PDE4D: variants seen among roughly 807,000 people sequenced by gnomAD.
PDE4D encodes phosphodiesterase 4D.
Under a neutral mutation model 87.4 loss-of-function variants are expected in PDE4D, and 24 were observed. The observed-to-expected ratio is 0.27, with a 90% confidence interval of 0.20 to 0.39. The LOEUF (loss-of-function observed/expected upper bound fraction) is 0.39, where lower values mean the gene tolerates loss of function less well. Among genes scored for constraint, PDE4D ranks in the 10% least tolerant of loss-of-function variants. The pLI, the probability that PDE4D is intolerant of heterozygous loss-of-function variation, is 1.00. For missense variants in PDE4D, 714 were observed against 1,041.0 expected, an observed-to-expected ratio of 0.69 and a Z score of 4.32; for synonymous variants, 384 against 383.2, an observed-to-expected ratio of 1.00 and a Z score of -0.02.
At chr5:59,345,720 T>C (rs1197737608) in intron 1 of PDE4D, among the ~76,000 whole-genome samples, 1 of 152,178 alleles carries the variant, frequency 6.6e-6, no homozygotes, top group Non-Finnish European at 1.5e-5. Flanking sequence ...TATACTTTGG[T>C]AAGAATGCAG....
chr5:60,031,600 A>C (rs1025351382), intron 2 of PDE4D, among the ~76,000 whole-genome samples: 1 of 152,228 alleles, frequency 6.6e-6, no homozygotes, highest in Non-Finnish European at 1.5e-5. Flanking sequence ...TGCCTGATGA[A>C]GAATAATATG....
At chr5:59,487,936 T>C (rs1330428223) in intron 1 of PDE4D, among the ~76,000 whole-genome samples, 1 of 152,188 alleles carries the variant, frequency 6.6e-6, no homozygotes, top group Non-Finnish European at 1.5e-5. Context: ...CACAAGTGAC[T>C]GTCTGCCATA....
intron 1 of PDE4D, among the ~76,000 whole-genome samples, chr5:59,841,046 T>C (rs1356480384): frequency 6.6e-6 from 1 of 152,100 alleles, no homozygotes; most frequent in Non-Finnish European, 1.5e-5. Context: ...TATTGTCTCT[T>C]ACTCATTTTC....
intron 1 of PDE4D, among the ~76,000 whole-genome samples, chr5:59,486,728 G>A (rs16889901): frequency 0.31 from 47,118 of 151,916 alleles, 8,005 homozygotes; most frequent in African/African-American, 0.43. Context: ...AACCACCAGT[G>A]TACATTACTT....
intron 1 of PDE4D, among the ~76,000 whole-genome samples, chr5:59,764,396 G>A (rs752803273): frequency 6.6e-5 from 10 of 152,042 alleles, no homozygotes; most frequent in African/African-American, 1.5e-4. Flanking sequence ...ACTGACTAAC[G>A]GGGAAACTGA....
At chr5:60,089,587 A>G (rs1774890265) in intron 2 of PDE4D, among the ~76,000 whole-genome samples, 1 of 152,026 alleles carries the variant, frequency 6.6e-6, no homozygotes, top group Non-Finnish European at 1.5e-5. Flanking sequence ...CTACATCAAA[A>G]AGTAGAAAGA....
chr5:59,635,641 C>A (rs576379501), intron 1 of PDE4D, among the ~76,000 whole-genome samples: 2 of 152,318 alleles, frequency 1.3e-5, no homozygotes, highest in Admixed American at 1.3e-4. Flanking sequence ...ACAAAAACCA[C>A]ATGATCAACT....
chr5:60,328,823 C>T (rs767446406), intron 1 of PDE4D, among the ~76,000 whole-genome samples: 1 of 151,870 alleles, frequency 6.6e-6, no homozygotes, highest in African/African-American at 2.4e-5. Flanking sequence ...ATGCAAAAAG[C>T]GCACCCTAAT....
intron 1 of PDE4D, among the ~76,000 whole-genome samples, chr5:60,232,735 A>G (rs1745961907): frequency 6.6e-6 from 1 of 151,888 alleles, no homozygotes; most frequent in African/African-American, 2.4e-5. Flanking sequence ...GAAGCCTTAC[A>G]TCCAGGCTAT....
intron 1 of PDE4D, among the ~76,000 whole-genome samples, chr5:59,876,519 A>G (rs1228441101): frequency 6.6e-6 from 1 of 152,116 alleles, no homozygotes; most frequent in East Asian, 1.9e-4. Flanking sequence ...GGACAAACCT[A>G]GCCTAATAAT....
chr5:60,126,138 T>A (rs1418156168), intron 2 of PDE4D, among the ~76,000 whole-genome samples: 3 of 151,966 alleles, frequency 2.0e-5, no homozygotes, highest in African/African-American at 7.3e-5. Flanking sequence ...GTAATACATA[T>A]TCAACATTTG....
intron 1 of PDE4D, chr5:59,218,061 C>A: frequency 2.3e-6 from 1 of 436,684 alleles, no homozygotes; most frequent in Non-Finnish European, 4.6e-6. Context: ...ATTTAGTACA[C>A]AACTGGAAGA....
intron 2 of PDE4D, among the ~76,000 whole-genome samples, chr5:60,034,376 A>G (rs181275877): frequency 1.8e-4 from 28 of 152,272 alleles, no homozygotes; most frequent in South Asian, 1.0e-3. Flanking sequence ...GGAGATGCCA[A>G]TGGGGGATTC....
intron 1 of PDE4D, chr5:60,459,960 A>C (rs753640233): frequency 2.7e-6 from 2 of 739,294 alleles, no homozygotes. Context: ...CCTCCTCTTC[A>C]TCATCATCAT....
intron 1 of PDE4D, among the ~76,000 whole-genome samples, chr5:60,268,034 C>T (rs1750402844): frequency 6.6e-6 from 1 of 152,030 alleles, no homozygotes; most frequent in Non-Finnish European, 1.5e-5. Flanking sequence ...GAAATGAGAC[C>T]TTTCCAAGCC....
intron 1 of PDE4D, among the ~76,000 whole-genome samples, chr5:59,235,215 T>C (rs1442856992): frequency 6.6e-6 from 1 of 152,132 alleles, no homozygotes; most frequent in Non-Finnish European, 1.5e-5. Flanking sequence ...GCACCTTGGG[T>C]GCTTTACCCA....
intron 2 of PDE4D, among the ~76,000 whole-genome samples, chr5:60,182,608 G>C (rs1240368897): frequency 2.0e-5 from 3 of 152,186 alleles, no homozygotes; most frequent in Non-Finnish European, 4.4e-5. Context: ...CTCCAGCGCC[G>C]TGGCTCATGC....
chr5:60,306,578 A>G (rs1385761427), intron 1 of PDE4D, among the ~76,000 whole-genome samples: 2 of 152,104 alleles, frequency 1.3e-5, no homozygotes, highest in Middle Eastern at 3.2e-3. Context: ...TCAAAGCAGA[A>G]AAACGGCAAT....
chr5:60,198,246 T>C (rs1741504640), intron 1 of PDE4D, among the ~76,000 whole-genome samples: 1 of 151,272 alleles, frequency 6.6e-6, no homozygotes, highest in African/African-American at 2.4e-5. Flanking sequence ...TGTAGTGCCT[T>C]GTTTTAATTC....
Sources: allele counts gnomAD v4.1 joint callset (sites outside exome capture counted in the v4.1 genomes callset), GRCh38; gene constraint gnomAD v4.1.1; transcripts MANE v1.5; gene names NCBI Gene and HGNC (gene_info 2026-07-23, HGNC 2026-07-21).